CYRIB: variants seen among roughly 807,000 people sequenced by gnomAD.
The protein encoded by CYRIB is CYFIP-related Rac1 interactor B.
CYRIB carries 8 observed loss-of-function variants against 44.2 expected under a neutral mutation model. The observed-to-expected ratio is 0.18, with a 90% CI of 0.11 to 0.33. CYRIB has a LOEUF of 0.33. Ranked by LOEUF, CYRIB falls within the 10% of genes least tolerant of loss-of-function variation. The pLI, the probability that CYRIB is intolerant of heterozygous loss-of-function variation, is 1.00. For synonymous variants in CYRIB, 131 were observed against 127.2 expected (o/e 1.03, Z -0.20); for missense variants, 185 against 382.8 (o/e 0.48, Z 4.31).
At chr8:130,006,620 A>ATATATATATACATATATATGTGTG (rs2097095756) in intron 1 of CYRIB, among the ~76,000 whole-genome samples, 1 of 91,430 alleles carries the variant, frequency 1.1e-5, no homozygotes, top group Non-Finnish European at 2.1e-5. Context: ...ATATATGTGT[A>ATATATATATACATATATATGTGTG]TATATATACA....
At chr8:129,870,443 T>A (rs190217208) in intron 4 of CYRIB, among the ~76,000 whole-genome samples, 10 of 152,332 alleles carry the variant, frequency 6.6e-5, no homozygotes, top group Admixed American at 2.0e-4. Context: ...CATTTAACTC[T>A]CTCTCTTCCC....
chr8:129,990,203 C>T (rs147920021), intron 1 of CYRIB, among the ~76,000 whole-genome samples: 3 of 152,026 alleles, frequency 2.0e-5, no homozygotes, highest in African/African-American at 4.8e-5. Context: ...TCCATAAACA[C>T]GTGAATATAC....
At chr8:129,997,972 T>G (rs986095177) in intron 1 of CYRIB, among the ~76,000 whole-genome samples, 1 of 151,636 alleles carries the variant, frequency 6.6e-6, no homozygotes, top group Admixed American at 6.6e-5. Flanking sequence ...AATACAAAAA[T>G]TAGCTGGGCG....
rs183874719 is a variant in CYRIB at position 129,892,897 on chromosome 8, G to T, written c.-11+10415C>A. ...AAAGATACTGGTTATTTATACAGGG[G>T]GAGACAATCATAGGATTGGGCAACT... On this transcript the variant is annotated intron_variant, in intron 2 of 11. Coordinates refer to ENST00000519824, the Ensembl canonical transcript of CYRIB. Among the ~76,000 whole-genome samples, 10 of 152,242 alleles carry T rather than the reference G, an allele frequency of 6.6e-5. 1 individual carries two copies. The highest frequency in any genetic ancestry group is 5.2e-4 in the Admixed American group (8 of 15,292).
At chr8:129,924,311 G>C in intron 1 of CYRIB, among the ~76,000 whole-genome samples, 1 of 115,458 alleles carries the variant, frequency 8.7e-6, no homozygotes, top group Non-Finnish European at 1.9e-5. Flanking sequence ...GGGGGTGGCG[G>C]GGGGGGTGTT....
intron 1 of CYRIB, among the ~76,000 whole-genome samples, chr8:129,909,256 T>C (rs1589420131): frequency 6.6e-6 from 1 of 152,332 alleles, no homozygotes; most frequent in Non-Finnish European, 1.5e-5. Flanking sequence ...TTGATTTTTG[T>C]AGAGTCTAAA....
intron 2 of CYRIB, chr8:129,970,436 T>C (rs1407875232): frequency 1.3e-5 from 2 of 151,800 alleles, no homozygotes; most frequent in Non-Finnish European, 1.5e-5. Context: ...TTTTTTTTTT[T>C]TGAGACGGAG....
At position 130,000,224 on chromosome 8, in the gene CYRIB, G is replaced by A. The variant is rs575048834; in HGVS notation, c.-296+16146C>T. Among the ~76,000 whole-genome samples the A allele has an allele frequency of 2.0e-5, 3 of 152,278 alleles. No individual in the cohort carries two copies. The East Asian group carries it at 5.8e-4, about 29-fold the overall frequency. On this transcript the variant is annotated intron_variant, in intron 1 of 14. Coordinates refer to the CYRIB transcript ENST00000401979. Reference sequence around the variant, plus strand: ...CCAGATGTGAGGACAAGAGAAAGGTGGGGTAAGGGATAGAGACGGGGAAGA... The same window carrying A: ...CCAGATGTGAGGACAAGAGAAAGGTAGGGTAAGGGATAGAGACGGGGAAGA...
chr8:129,854,591 A>T (rs1189698769), intron 6 of CYRIB, among the ~76,000 whole-genome samples: 1 of 152,226 alleles, frequency 6.6e-6, no homozygotes, highest in Non-Finnish European at 1.5e-5. Flanking sequence ...TAATGTACTA[A>T]AAGCTTGTTT....
chr8:129,842,050 A>C, exon 12 of CYRIB: 1 of 826,754 alleles, frequency 1.2e-6, no homozygotes. Flanking sequence ...GCAAGAATAA[A>C]TGAGATAGTA....
chr8:129,948,540 T>TTCCA (rs1377685196), intron 2 of CYRIB: 1 of 152,126 alleles, frequency 6.6e-6, no homozygotes, highest in African/African-American at 2.4e-5. Flanking sequence ...ATCCCATTCC[T>TTCCA]TCCATCAGGA....
intron 1 of CYRIB, among the ~76,000 whole-genome samples, chr8:129,993,675 C>T (rs1424563691): frequency 1.3e-5 from 2 of 149,762 alleles, no homozygotes; most frequent in African/African-American, 2.5e-5. Context: ...CCAGCTTGGG[C>T]GACAGAGTGA....
At chr8:130,006,488 T>C (rs923574611) in intron 1 of CYRIB, among the ~76,000 whole-genome samples, 3 of 139,110 alleles carry the variant, frequency 2.2e-5, no homozygotes, top group Non-Finnish European at 4.6e-5. Context: ...AAAATATATA[T>C]ATATTTATTT....
intron 2 of CYRIB, among the ~76,000 whole-genome samples, chr8:129,968,240 G>A (rs1199778212): frequency 6.6e-6 from 1 of 152,204 alleles, no homozygotes; most frequent in African/African-American, 2.4e-5. Flanking sequence ...TCTCAGCTCA[G>A]CTCATTAATT....
chr8:129,880,857 G>C (rs2060571332), intron 2 of CYRIB, among the ~76,000 whole-genome samples: 1 of 151,928 alleles, frequency 6.6e-6, no homozygotes, highest in African/African-American at 2.4e-5. Context: ...TTTCCTTCTT[G>C]CAGAGTCAAA....
In CYRIB at chr8:129,850,234, A is replaced by G. The variant is rs575567259; in HGVS notation, c.713+601T>C. ...TGACCAAAACGTCATTAAGCAGCAC[A>G]TGACTGTATTTATTATTCTGGAATC... On this transcript the variant is annotated intron_variant, in intron 9 of 11. Transcript: ENST00000519824. 25 of 153,664 alleles carry G rather than the reference A, an allele frequency of 1.6e-4. 1 individual carries two copies. The highest frequency in any genetic ancestry group is 5.5e-4 in the African/African-American group (23 of 41,574). The allele number at this position is 153,664 out of a possible 1,614,324, so 9.5% of individuals were successfully genotyped here.
rs376422475 is a variant in CYRIB at position 129,933,456 on chromosome 8, A to G, written c.-50+6152T>C. ...TTCTATCTAGTCCTGTCAGGCAGAC[A>G]CCCAGATTAAGCTAATAGGGTCTGG... On this transcript the variant is annotated intron_variant, in intron 1 of 11. Transcript: ENST00000519824. Among the ~76,000 whole-genome samples the G allele has an allele frequency of 3.9e-4, 59 of 152,318 alleles. No homozygotes were observed. In the South Asian group the frequency reaches 0.012, roughly 32 times the overall value.
intron 5 of CYRIB, 75 bp from the exon 8 acceptor site, chr8:129,855,822 T>C: frequency 7.5e-7 from 1 of 1,330,362 alleles, no homozygotes; most frequent in Non-Finnish European, 1.0e-6. Context: ...AGTGAACAAT[T>C]CATAAATGTT....
At chr8:129,893,845 TC>T (rs1187958212) in intron 2 of CYRIB, among the ~76,000 whole-genome samples, 1 of 151,920 alleles carries the variant, frequency 6.6e-6, no homozygotes, top group South Asian at 2.1e-4. Flanking sequence ...TTTTTTTTTT[TC>T]CAGCATGGTT....
Sources: gnomAD v4.1 joint callset for allele counts (sites outside exome capture counted in the v4.1 genomes callset) on GRCh38, gnomAD v4.1.1 for gene constraint, MANE v1.5 for transcripts, NCBI Gene and HGNC (gene_info 2026-07-23, HGNC 2026-07-21) for gene names.